The following SEH1L variants were observed in gnomAD, a reference collection of about 807,000 sequenced individuals.
The protein encoded by SEH1L is SEH1 like nucleoporin, also known as nucleoporin SEH1.
Under a neutral mutation model 49.5 loss-of-function variants are expected in SEH1L, and 18 were observed. The observed-to-expected ratio is 0.36, with a 90% CI of 0.25 to 0.54. The LOEUF (loss-of-function observed/expected upper bound fraction) is 0.54, where lower values mean the gene tolerates loss of function less well. Ranked by LOEUF, SEH1L falls within the 20% of genes least tolerant of loss-of-function variation. The probability of loss-of-function intolerance (pLI) is 0.87; values close to 1 mark genes in which losing one functional copy is unlikely to be tolerated. For missense variants in SEH1L, 404 were observed against 528.8 expected (o/e 0.76, Z 2.31); for synonymous variants, 169 against 178.1 (o/e 0.95, Z 0.41).
intron 3 of SEH1L, among the ~76,000 whole-genome samples, chr18:12,961,294 T>C (rs1054746201): frequency 1.3e-5 from 2 of 152,220 alleles, no homozygotes; most frequent in South Asian, 2.1e-4. Context: ...TCAGATCTTA[T>C]CAGGAAGCTG....
At chr18:12,961,805 T>A (rs1448831011) in intron 3 of SEH1L, among the ~76,000 whole-genome samples, 1 of 151,988 alleles carries the variant, frequency 6.6e-6, no homozygotes, top group Non-Finnish European at 1.5e-5. Context: ...TAGCTGGGAT[T>A]GCAGGCGCCC....
Position 12,984,093 on chromosome 18 carries a change from C to G in SEH1L, c.973C>G (p.Pro325Ala), listed in dbSNP as rs2032374848. The G allele has an allele frequency of 1.2e-6, 2 of 1,613,696 alleles. No individual in the cohort carries two copies. The highest frequency in any genetic ancestry group is 1.7e-6 in the Non-Finnish European group (2 of 1,179,666). The change falls in exon 8 of 9, where the codon CCA becomes GCA. Residue 325 changes from proline (P) to alanine (A), a missense_variant. Physicochemically the swap from Pro to Ala is conservative, Grantham distance 27. Around this residue, in one of 3 missense-constraint regions of SEH1L, gnomAD observed 342 missense variants for 430.8 expected, o/e 0.79. Coordinates refer to ENST00000399892, the MANE Select transcript of SEH1L (RefSeq NM_001013437.2). Reference sequence around the variant, plus strand: ...TGGTATTTTGAAAGGTAATGGGAGCCCAGTCAATGGGAGTTCTCAGCAGGG... The same window carrying G: ...TGGTATTTTGAAAGGTAATGGGAGCGCAGTCAATGGGAGTTCTCAGCAGGG... Reference protein sequence around the residue: ...CTGILKGNGSPVNGSSQQGTS... With the variant: ...CTGILKGNGSAVNGSSQQGTS...
intron 8 of SEH1L, 91 bp downstream of exon 8, chr18:12,984,281 G>T (rs776016117): frequency 7.6e-7 from 1 of 1,323,376 alleles, no homozygotes; most frequent in African/African-American, 1.5e-5. Flanking sequence ...TGGATTATAA[G>T]ATGGAGTGGA....
At chr18:12,982,705 G>T in intron 7 of SEH1L, 30 bp downstream of exon 7, 1 of 1,523,246 alleles carries the variant, frequency 6.6e-7, no homozygotes, top group African/African-American at 1.4e-5. Context: ...GTAATTGTTG[G>T]TTTATATTTC....
chr18:12,971,457 A>C (rs1470200240), intron 5 of SEH1L: 1 of 353,704 alleles, frequency 2.8e-6, no homozygotes, highest in Non-Finnish European at 5.3e-6. Flanking sequence ...ATATGGTGAA[A>C]CCCCGTCTCT....
intron 4 of SEH1L, among the ~76,000 whole-genome samples, chr18:12,964,942 C>T (rs1405265690): frequency 6.6e-6 from 1 of 151,490 alleles, no homozygotes; most frequent in Non-Finnish European, 1.5e-5. Flanking sequence ...CCTGGCTTCC[C>T]CTCTCTTAAA....
chr18:12,985,343 C>T, intron 8 of SEH1L: 3 of 1,549,974 alleles, frequency 1.9e-6, no homozygotes, highest in Non-Finnish European at 2.6e-6. Context: ...TTCCCCAGCG[C>T]CGTTTGACCT....
chr18:12,962,656 A>G (rs2031244400), intron 3 of SEH1L, among the ~76,000 whole-genome samples: 1 of 148,460 alleles, frequency 6.7e-6, no homozygotes, highest in Admixed American at 6.7e-5. Context: ...AGTTTTTAGT[A>G]GAGACGGTGT....
At chr18:12,969,503 C>A (rs1313813744) in intron 4 of SEH1L, among the ~76,000 whole-genome samples, 1 of 151,670 alleles carries the variant, frequency 6.6e-6, no homozygotes, top group Non-Finnish European at 1.5e-5. Context: ...TCCTGGCCAA[C>A]ATGGTGAAAC....
At chr18:12,979,868 G>A (rs1356360406) in intron 6 of SEH1L, among the ~76,000 whole-genome samples, 26 of 140,544 alleles carry the variant, frequency 1.8e-4, no homozygotes, top group Non-Finnish European at 3.7e-4. Flanking sequence ...CTGGCCGGGC[G>A]GGGGGCTGAC....
At chr18:12,954,037 A>G (rs1300301663) in intron 2 of SEH1L, among the ~76,000 whole-genome samples, 1 of 152,230 alleles carries the variant, frequency 6.6e-6, no homozygotes, top group Non-Finnish European at 1.5e-5. Context: ...CTGTATAAGT[A>G]AGAATTAAAG....
intron 5 of SEH1L, chr18:12,972,737 G>A (rs901826425): frequency 1.1e-4 from 16 of 152,350 alleles, no homozygotes; most frequent in African/African-American, 3.6e-4. Flanking sequence ...AGTAGAATGT[G>A]CTGCAGTGAT....
Position 12,948,049 on chromosome 18 carries a change from A to G in SEH1L, c.-73A>G. On this transcript the variant is annotated 5_prime_UTR_variant, in exon 1 of 9. Coordinates refer to ENST00000399892, the MANE Select transcript of SEH1L (RefSeq NM_001013437.2). ...CGCTCCCGGGCTGCGAGGTCTGGCT[A>G]GGCTACGGGCCACGCGCCGCCGCCG... The G allele has an allele frequency of 8.7e-7, 1 of 1,144,476 alleles. No individual in the cohort carries two copies. The highest frequency in any genetic ancestry group is 1.3e-6 in the Non-Finnish European group (1 of 784,236). The allele number at this position is 1,144,476 out of a possible 1,614,324, so 70.9% of individuals were successfully genotyped here.
intron 7 of SEH1L, among the ~76,000 whole-genome samples, chr18:12,983,637 C>G (rs1222939857): frequency 2.0e-5 from 3 of 152,152 alleles, no homozygotes; most frequent in Non-Finnish European, 4.4e-5. Context: ...GATAGGTACC[C>G]TTATAACTTA....
intron 6 of SEH1L, among the ~76,000 whole-genome samples, chr18:12,979,646 C>T (rs1160016934): frequency 5.3e-5 from 8 of 151,360 alleles, no homozygotes; most frequent in African/African-American, 9.7e-5. Context: ...TAGGGGCGGC[C>T]GGGCAGAGGC....
chr18:12,965,106 T>TG (rs201596941), intron 4 of SEH1L, among the ~76,000 whole-genome samples: 46,848 of 145,130 alleles, frequency 0.32, 8,885 homozygotes, highest in East Asian at 0.62. Context: ...CTCCGCCTCC[T>TG]GGTTCAAGCG....
In SEH1L at chr18:12,985,016, T is replaced by A. The variant is rs560755878; in HGVS notation, c.1070+826T>A. The A allele has an allele frequency of 2.7e-5, 11 of 412,182 alleles. 1 individual carries two copies. The East Asian group carries it at 4.2e-4, about 16-fold the overall frequency. 25.5% of individuals were successfully genotyped at this position (412,182 alleles called of 1,614,324 possible). A position where few individuals can be genotyped will look rare whatever the true frequency, so the allele number is the denominator to read the frequency against. ...TTTTAAGTACATGCATCAAAACAAT[T>A]TCAGGTTACCGTGGAAGATACCAGA... On this transcript the variant is annotated intron_variant, in intron 8 of 8. Coordinates refer to ENST00000399892, the MANE Select transcript of SEH1L (RefSeq NM_001013437.2).
At chr18:12,968,521 A>G (rs1180922545) in intron 4 of SEH1L, among the ~76,000 whole-genome samples, 2 of 152,056 alleles carry the variant, frequency 1.3e-5, no homozygotes, top group South Asian at 2.1e-4. Flanking sequence ...ACTCATTTAT[A>G]TTCTTTGCAT....
Position 12,984,036 on chromosome 18 carries a change from T to A in SEH1L, c.920-4T>A. On this transcript the variant is annotated splice_region_variant and splice_polypyrimidine_tract_variant and intron_variant, in intron 7 of 8. Transcript: ENST00000399892. ...GTTAATGTATTTGATTATTTTCCTT[T>A]CAGCTAATTATATGGACAATTGGAA... The A allele has an allele frequency of 6.2e-7, 1 of 1,611,674 alleles. No homozygotes were observed. Among genetic ancestry groups the A allele is most frequent in the Non-Finnish European group, 8.5e-7 (1 of 1,178,086 alleles).
Sources: gnomAD v4.1 joint callset for allele counts (sites outside exome capture counted in the v4.1 genomes callset) on GRCh38, gnomAD v4.1.1 for gene constraint, gnomAD v4.1.1 regional missense constraint, MANE v1.5 for transcripts, NCBI Gene and HGNC (gene_info 2026-07-23, HGNC 2026-07-21) for gene names.